The following PIK3CB variants were observed in gnomAD, a reference collection of about 807,000 sequenced individuals.
The protein encoded by PIK3CB is phosphatidylinositol-4,5-bisphosphate 3-kinase catalytic subunit beta.
In PIK3CB, 39 loss-of-function variants were observed where a neutral mutation model predicts 136.8. The observed-to-expected ratio is 0.29, with a 90% CI of 0.22 to 0.37. The LOEUF (loss-of-function observed/expected upper bound fraction) is 0.37, where lower values mean the gene tolerates loss of function less well. PIK3CB is among the 10% of genes least tolerant of loss of function. The pLI, the probability that PIK3CB is intolerant of heterozygous loss-of-function variation, is 1.00. For synonymous variants in PIK3CB, 428 were observed against 436.6 expected (o/e 0.98, Z 0.25); for missense variants, 868 against 1,275.4 (o/e 0.68, Z 4.87).
rs116655915 is a variant in PIK3CB, at chr3:138,741,484, T to C, written c.621+1074A>G. ...GTCATTGAGCACTTACCCTGCATAA[T>C]TGGTTGTTGTCATTGCTATGGTTAT... On this transcript the variant is annotated intron_variant, in intron 5 of 23. Transcript: ENST00000674063. Among the ~76,000 whole-genome samples, 1,447 of 152,312 alleles carry C rather than the reference T, an allele frequency of 9.5e-3. 30 individuals carry two copies. Among genetic ancestry groups the C allele is most frequent in the African/African-American group, 0.029 (1,196 of 41,562 alleles).
At chr3:138,748,068 G>A (rs2045396879) in intron 4 of PIK3CB, among the ~76,000 whole-genome samples, 1 of 151,846 alleles carries the variant, frequency 6.6e-6, no homozygotes, top group Admixed American at 6.6e-5. Flanking sequence ...GGGGCAGAGA[G>A]AAAAAGGCAT....
intron 1 of PIK3CB, among the ~76,000 whole-genome samples, chr3:138,808,772 TATAC>T (rs1385752469): frequency 1.3e-5 from 2 of 151,436 alleles, no homozygotes; most frequent in South Asian, 4.1e-4. Context: ...ACACACACAC[TATAC>T]ATAATGTTTT....
chr3:138,686,134 G>A (rs1179414671), intron 16 of PIK3CB, among the ~76,000 whole-genome samples: 1 of 150,968 alleles, frequency 6.6e-6, no homozygotes, highest in Non-Finnish European at 1.5e-5. Context: ...GTGAGACTAT[G>A]TCTCAAAAAA....
intron 17 of PIK3CB, 51 bp from the exon 18 acceptor site, chr3:138,683,838 A>T: frequency 1.1e-6 from 1 of 946,342 alleles, no homozygotes; most frequent in African/African-American, 1.6e-5. Context: ...GATACAGAAG[A>T]TTATAATTTT....
At chr3:138,693,993 T>TATATATATATATATATA (rs1559819951) in intron 14 of PIK3CB, among the ~76,000 whole-genome samples, 1 of 120,142 alleles carries the variant, frequency 8.3e-6, no homozygotes, top group Non-Finnish European at 1.7e-5. Flanking sequence ...TATATATATA[T>TATATATATATATATATA]TTTAAACCCA....
chr3:138,656,227 C>T lies in PIK3CB; in HGVS notation c.2990G>A (p.Gly997Glu). 2 of 1,614,122 alleles carry T rather than the reference C, an allele frequency of 1.2e-6. No homozygotes were observed. The highest frequency in any genetic ancestry group is 2.2e-5 in the South Asian group (2 of 91,070). ...EDAYLILRRHGNLFITLFALM... is the reference protein window; with the variant it reads ...EDAYLILRRHENLFITLFALM... ...CGCAAAGAGAGTGATGAAGAGATTC[C>T]CATGCCGTCGTAAAATCAGATATGC... Residue 997 changes from glycine (G) to glutamate (E), a missense_variant, in exon 23 of 24, where the codon GGG (glycine) becomes GAG (glutamate). Coordinates refer to ENST00000674063, the MANE Select transcript of PIK3CB (RefSeq NM_006219.3).
chr3:138,802,341 T>C (rs1220747900), intron 1 of PIK3CB, among the ~76,000 whole-genome samples: 3 of 149,008 alleles, frequency 2.0e-5, no homozygotes, highest in South Asian at 2.1e-4. Flanking sequence ...GATCGCGCCA[T>C]TGCACTCCAG....
intron 12 of PIK3CB, among the ~76,000 whole-genome samples, chr3:138,702,778 A>AT (rs1382849945): frequency 6.6e-6 from 1 of 152,038 alleles, no homozygotes; most frequent in Admixed American, 6.6e-5. Context: ...ACAAACACAC[A>AT]TTTTTTTACA....
intron 20 of PIK3CB, 143 bp from the exon 21 acceptor site, chr3:138,664,172 A>T: frequency 7.7e-6 from 7 of 904,514 alleles, no homozygotes; most frequent in Non-Finnish European, 1.7e-6. Context: ...CATGTGGATC[A>T]GCCAAGGGGA....
At chr3:138,714,747 C>A in intron 8 of PIK3CB, 28 bp from the exon 9 acceptor site, 1 of 1,560,458 alleles carries the variant, frequency 6.4e-7, no homozygotes, top group Middle Eastern at 1.7e-4. Flanking sequence ...AAAACAAAAA[C>A]AAAGTCATGA....
At chr3:138,808,771 C>CTA (rs2046261892) in intron 1 of PIK3CB, among the ~76,000 whole-genome samples, 1 of 151,064 alleles carries the variant, frequency 6.6e-6, no homozygotes, top group African/African-American at 2.4e-5. Context: ...TACACACACA[C>CTA]TATACATAAT....
rs2043440657 is a variant in PIK3CB at position 138,667,573 on chromosome 3, A to ATTTTTTTT, written c.2505-2371_2505-2370insAAAAAAAA. On this transcript the variant is annotated intron_variant, in intron 19 of 23. Transcript: ENST00000674063. ...TTATTTTTATTTTATTTATTTATTT[A>ATTTTTTTT]TTTTTTGAGACAGAGTCTCGCTCTG... is the stretch of plus-strand genomic sequence containing the variant. Among the ~76,000 whole-genome samples the ATTTTTTTT allele has an allele frequency of 2.0e-5, 3 of 151,010 alleles. No homozygotes were observed. In the South Asian group the frequency reaches 6.3e-4, roughly 32 times the overall value.
intron 1 of PIK3CB, among the ~76,000 whole-genome samples, chr3:138,800,781 C>T (rs1004118974): frequency 9.2e-5 from 14 of 152,048 alleles, no homozygotes; most frequent in Admixed American, 2.0e-4. Flanking sequence ...TGTGCCACCA[C>T]GCCCAGCTAA....
chr3:138,695,047 G>T, intron 13 of PIK3CB, 140 bp from the exon 14 acceptor site: 1 of 664,538 alleles, frequency 1.5e-6, no homozygotes, highest in Non-Finnish European at 2.4e-6. Flanking sequence ...ATCCATTCCT[G>T]TTAATAGAGA....
chr3:138,822,658 A>C (rs1033516010), intron 1 of PIK3CB, among the ~76,000 whole-genome samples: 5 of 151,492 alleles, frequency 3.3e-5, no homozygotes, highest in African/African-American at 1.2e-4. Flanking sequence ...CCTGGCCAAC[A>C]CGGTGAAACC....
At chr3:138,679,879 C>A (rs1347483238) in intron 19 of PIK3CB, among the ~76,000 whole-genome samples, 2 of 147,756 alleles carry the variant, frequency 1.4e-5, no homozygotes, top group African/African-American at 2.5e-5. Context: ...CAGGCGTAAG[C>A]CACTGCACCC....
intron 3 of PIK3CB, among the ~76,000 whole-genome samples, chr3:138,756,606 TCAC>T (rs1294058136): frequency 2.0e-5 from 3 of 152,230 alleles, no homozygotes; most frequent in East Asian, 1.9e-4. Flanking sequence ...TAAAAGAAGT[TCAC>T]CACACAAAAA....
At chr3:138,685,396 C>CAAAAAAAAAAAAAAAAAAAA (rs398052626) in intron 16 of PIK3CB, among the ~76,000 whole-genome samples, 4 of 58,352 alleles carry the variant, frequency 6.9e-5, no homozygotes, top group African/African-American at 3.0e-4. Flanking sequence ...GAAACTGTCT[C>CAAAAAAAAAAAAAAAAAAAA]AAAAAAAAAA....
chr3:138,757,478 A>AAC (rs146470519), intron 3 of PIK3CB, among the ~76,000 whole-genome samples: 7,589 of 136,320 alleles, frequency 0.056, 216 homozygotes, highest in African/African-American at 0.069. Flanking sequence ...GATACTATTA[A>AAC]ACACACACAC....
Sources: gnomAD v4.1 joint callset for allele counts (sites outside exome capture counted in the v4.1 genomes callset) on GRCh38, gnomAD v4.1.1 for gene constraint, MANE v1.5 for transcripts, NCBI Gene and HGNC (gene_info 2026-07-23, HGNC 2026-07-21) for gene names.